TUBGCP3: variants seen among roughly 807,000 people sequenced by gnomAD.
The protein encoded by TUBGCP3 is tubulin gamma complex component 3.
TUBGCP3 carries 50 observed loss-of-function variants against 123.1 expected under a neutral mutation model. That is an observed-to-expected ratio of 0.41 (90% confidence interval 0.32 to 0.51). The LOEUF (loss-of-function observed/expected upper bound fraction) is 0.51, where lower values mean the gene tolerates loss of function less well. TUBGCP3 is among the 20% of genes least tolerant of loss of function. The probability of loss-of-function intolerance (pLI) is 0.36; values close to 1 mark genes in which losing one functional copy is unlikely to be tolerated. For synonymous variants in TUBGCP3, 405 were observed against 413.9 expected (o/e 0.98, Z 0.26); for missense variants, 882 against 1,127.0 (o/e 0.78, Z 3.11).
intron 8 of TUBGCP3, among the ~76,000 whole-genome samples, chr13:112,553,508 T>C (rs1353986441): frequency 1.3e-5 from 2 of 152,254 alleles, no homozygotes; most frequent in African/African-American, 4.8e-5. Context: ...CTGCCCCCTG[T>C]CAGGCTCCAA....
At chr13:112,543,665 T>G (rs1214682442) in intron 11 of TUBGCP3, among the ~76,000 whole-genome samples, 1 of 152,210 alleles carries the variant, frequency 6.6e-6, no homozygotes, top group Non-Finnish European at 1.5e-5. Context: ...TAGTTTATGA[T>G]AAAACGTAGT....
chr13:112,586,111 C>A (rs919057736), intron 1 of TUBGCP3, among the ~76,000 whole-genome samples: 2 of 151,634 alleles, frequency 1.3e-5, no homozygotes, highest in Non-Finnish European at 2.9e-5. Flanking sequence ...TGGTGGCGGG[C>A]GCCTGTAGTC....
At chr13:112,597,189 C>T in the TUBGCP3 span, among the ~76,000 whole-genome samples, 5 of 152,288 alleles carry the variant, frequency 3.3e-5, 1 homozygote, top group East Asian at 1.9e-4. Flanking sequence ...CTAATGGGCT[C>T]TTAAGGTTGC....
At chr13:112,598,228 AAAC>A in the TUBGCP3 span, among the ~76,000 whole-genome samples, 3 of 152,006 alleles carry the variant, frequency 2.0e-5, no homozygotes. Context: ...AAAGAAAGAG[AAAC>A]AAAGGCTTTT....
chr13:112,547,341 A>G (rs1370965267), intron 10 of TUBGCP3: 1 of 425,510 alleles, frequency 2.4e-6, no homozygotes, highest in African/African-American at 2.0e-5. Context: ...CTACCATATA[A>G]ATACTGGGCC....
At chr13:112,580,615 A>G (rs941729923) in intron 1 of TUBGCP3, among the ~76,000 whole-genome samples, 3 of 152,248 alleles carry the variant, frequency 2.0e-5, no homozygotes, top group African/African-American at 4.8e-5. Context: ...ATTTCAGAAC[A>G]TGCAGGATTT....
At chr13:112,552,820 C>T (rs1335991748) in intron 8 of TUBGCP3, among the ~76,000 whole-genome samples, 2 of 150,602 alleles carry the variant, frequency 1.3e-5, no homozygotes, top group African/African-American at 2.4e-5. Context: ...TACTCAGCAG[C>T]CACACTGCCA....
chr13:112,565,387 A>T (rs893744192), intron 2 of TUBGCP3, among the ~76,000 whole-genome samples: 3 of 152,218 alleles, frequency 2.0e-5, no homozygotes, highest in African/African-American at 7.2e-5. Flanking sequence ...GGAAAATATT[A>T]GGCTGGGATC....
At chr13:112,544,578 T>C (rs1878832047) in intron 11 of TUBGCP3, 1 of 152,006 alleles carries the variant, frequency 6.6e-6, no homozygotes. Flanking sequence ...ATTTTAATAC[T>C]GTTCATAAGA....
At chr13:112,553,907 A>T in intron 8 of TUBGCP3, 150 bp downstream of exon 8, 2 of 1,213,554 alleles carry the variant, frequency 1.6e-6, no homozygotes, top group Non-Finnish European at 2.3e-6. Flanking sequence ...TGTGGTTTCT[A>T]CTGTCTTGAG....
intron 21 of TUBGCP3, among the ~76,000 whole-genome samples, chr13:112,488,928 G>C (rs1879874085): frequency 7.9e-6 from 1 of 126,216 alleles, no homozygotes; most frequent in African/African-American, 3.1e-5. Flanking sequence ...CCACAGGGGA[G>C]CACAGGGGTC....
chr13:112,490,092 T>C (rs1879977307), intron 20 of TUBGCP3, among the ~76,000 whole-genome samples: 1 of 152,236 alleles, frequency 6.6e-6, no homozygotes, highest in Non-Finnish European at 1.5e-5. Flanking sequence ...GTCAGCACCC[T>C]TTAAACTATT....
At chr13:112,577,987 G>A (rs1272946982) in intron 1 of TUBGCP3, among the ~76,000 whole-genome samples, 1 of 152,180 alleles carries the variant, frequency 6.6e-6, no homozygotes, top group Non-Finnish European at 1.5e-5. Context: ...GGGAAAAGCT[G>A]AGTGTTGGGA....
In TUBGCP3 at chr13:112,511,275, CT is replaced by C. The variant is rs1881659252; in HGVS notation, c.2086+5164del. On this transcript the variant is annotated intron_variant, in intron 17 of 21. Transcript: ENST00000261965. This position sits in a 1 kb window ranked among gnomAD's most constrained non-coding sequence, Gnocchi z 4.1. Reference sequence around the variant, plus strand: ...GCACTGCTGGCCCGCGGGCACCTGCCTTTCCTGGTAAGATAAAATCTGCGGT... The same window carrying C: ...GCACTGCTGGCCCGCGGGCACCTGCCTTCCTGGTAAGATAAAATCTGCGGT... Among the ~76,000 whole-genome samples the C allele has an allele frequency of 6.6e-6, 1 of 152,196 alleles. No individual in the cohort carries two copies. Among genetic ancestry groups the C allele is most frequent in the African/African-American group, 2.4e-5 (1 of 41,444 alleles).
At chr13:112,589,629 CT>C (rs368673221), upstream of TUBGCP3, among the ~76,000 whole-genome samples, 27 of 152,286 alleles carry the variant, frequency 1.8e-4, no homozygotes, top group East Asian at 4.4e-3. Flanking sequence ...GATTTTTAAC[CT>C]TTTCTAGTCA....
At chr13:112,490,991 C>T (rs1357806150) in intron 20 of TUBGCP3, among the ~76,000 whole-genome samples, 1 of 152,152 alleles carries the variant, frequency 6.6e-6, no homozygotes, top group East Asian at 1.9e-4. Context: ...CAGAGCTGAG[C>T]GAAAGAGTAA....
Position 112,527,372 on chromosome 13 carries a change from AC to A in TUBGCP3, c.1446+1del, listed in dbSNP as rs776129356. On this transcript the variant is annotated splice_donor_variant, in intron 12 of 21. Coordinates refer to ENST00000261965, the MANE Select transcript of TUBGCP3 (RefSeq NM_006322.6). LOFTEE classifies it high-confidence loss of function. ...AATCACAAAAATCTCTTCTAATCCT[AC>A]CTTCCTAGACTGATCCATCGTCATA... 1 of 1,535,186 alleles carries A rather than the reference AC, an allele frequency of 6.5e-7. No homozygotes were observed. Among genetic ancestry groups the A allele is most frequent in the Non-Finnish European group, 8.7e-7 (1 of 1,143,806 alleles).
chr13:112,527,437 G>T lies in TUBGCP3; in HGVS notation c.1383C>A (p.His461Gln), dbSNP rs748908368. Residue 461 changes from histidine to glutamine, a missense_variant, in exon 12 of 22, where the codon CAC becomes CAA. His to Gln is a conservative substitution (Grantham distance 24, BLOSUM62 0). Coordinates refer to ENST00000261965, the MANE Select transcript of TUBGCP3 (RefSeq NM_006322.6). ...TCGATTTCCTCAAAGTATACTTGTC[G>T]TGCCACAGTCGATCTGTTTTAACTG... ...DPTVKTDRLW[H>Q]DKYTLRKSMI... 1 of 1,609,694 alleles carries T rather than the reference G, an allele frequency of 6.2e-7. No individual in the cohort carries two copies. The highest frequency in any genetic ancestry group is 1.7e-5 in the Admixed American group (1 of 58,730).
intron 14 of TUBGCP3, 84 bp downstream of exon 14, chr13:112,522,236 T>C (rs1876686134): frequency 1.7e-6 from 2 of 1,155,586 alleles, no homozygotes; most frequent in African/African-American, 3.1e-5. Context: ...CATTTTCTTT[T>C]AATATAATTT....
Sources: allele counts gnomAD v4.1 joint callset (sites outside exome capture counted in the v4.1 genomes callset), GRCh38; gene constraint gnomAD v4.1.1; non-coding constraint Gnocchi (gnomAD v3.1); transcripts MANE v1.5; gene names NCBI Gene and HGNC (gene_info 2026-07-23, HGNC 2026-07-21).